Variants in CHL1 observed in about 807,000 individuals in gnomAD.
The protein encoded by CHL1 is neural cell adhesion molecule L1-like protein.
A neutral mutation model predicts 141.9 loss-of-function variants in CHL1; 96 were observed. The observed-to-expected ratio is 0.68, with a 90% CI of 0.57 to 0.80. The LOEUF is 0.80. Ranked by LOEUF, CHL1 falls within the 30% of genes least tolerant of loss-of-function variation. CHL1 has a pLI of 0.00. For synonymous variants in CHL1, 613 were observed against 502.2 expected, an observed-to-expected ratio of 1.22 and a Z score of -2.95; for missense variants, 1,820 against 1,457.2, an observed-to-expected ratio of 1.25 and a Z score of -4.05.
At chr3:277,301 G>T (rs913125802) in intron 2 of CHL1, among the ~76,000 whole-genome samples, 1 of 151,954 alleles carries the variant, frequency 6.6e-6, no homozygotes, top group Non-Finnish European at 1.5e-5. Context: ...CCACATCCTG[G>T]AACCATAAAG....
At chr3:254,542 G>A (rs1162176828) in intron 2 of CHL1, among the ~76,000 whole-genome samples, 1 of 152,160 alleles carries the variant, frequency 6.6e-6, no homozygotes, top group Non-Finnish European at 1.5e-5. Context: ...CAGGGCAGCA[G>A]ACATCAGACT....
intron 2 of CHL1, among the ~76,000 whole-genome samples, chr3:268,825 T>C (rs1388186216): frequency 6.6e-6 from 1 of 152,190 alleles, no homozygotes; most frequent in Non-Finnish European, 1.5e-5. Context: ...AGGAGTTAGG[T>C]TTAAGAAATA....
At chr3:216,475 G>C (rs1171739009) in intron 1 of CHL1, among the ~76,000 whole-genome samples, 1 of 152,116 alleles carries the variant, frequency 6.6e-6, no homozygotes, top group Non-Finnish European at 1.5e-5. Context: ...CGTTGTACCA[G>C]AATACTTTTA....
rs374680732 is a variant in CHL1 at position 288,680 on chromosome 3, A to G, written c.-94-31003A>G. ...GGTCAAGGATCTCAGCATTTTTCTG[A>G]CGAATGGCATGGGCGGGATGCGCTC... On this transcript the variant is annotated intron_variant, in intron 2 of 27. Transcript: ENST00000256509. Among the ~76,000 whole-genome samples the G allele has an allele frequency of 1.6e-3, 237 of 152,278 alleles. 1 individual carries two copies. The highest frequency in any genetic ancestry group is 5.5e-3 in the African/African-American group (227 of 41,548).
At chr3:260,961 T>G (rs973847912) in intron 2 of CHL1, among the ~76,000 whole-genome samples, 1 of 152,212 alleles carries the variant, frequency 6.6e-6, no homozygotes, top group Non-Finnish European at 1.5e-5. Flanking sequence ...AGCCATTCCG[T>G]CGGCCTTATT....
At chr3:380,700 G>A (rs972933351) in intron 16 of CHL1, among the ~76,000 whole-genome samples, 5 of 152,118 alleles carry the variant, frequency 3.3e-5, no homozygotes, top group African/African-American at 4.8e-5. Context: ...TTGCTATAAT[G>A]AAAATTCATT....
intron 16 of CHL1, among the ~76,000 whole-genome samples, chr3:380,233 G>C (rs913372830): frequency 6.6e-6 from 1 of 152,114 alleles, no homozygotes; most frequent in East Asian, 1.9e-4. Flanking sequence ...TTAATGTTTG[G>C]ACACAGTCAT....
intron 9 of CHL1, among the ~76,000 whole-genome samples, chr3:348,763 G>C (rs1163134095): frequency 6.6e-6 from 1 of 152,220 alleles, no homozygotes; most frequent in Non-Finnish European, 1.5e-5. Flanking sequence ...ACAAGGGCGA[G>C]AACGTGATCC....
At chr3:344,817 T>C in intron 9 of CHL1, 108 bp downstream of exon 9, 1 of 1,146,612 alleles carries the variant, frequency 8.7e-7, no homozygotes, top group Admixed American at 2.5e-5. Flanking sequence ...AATTATTTCC[T>C]TAAAAAAATT....
At chr3:363,881 C>T (rs1704544779) in intron 14 of CHL1, 1 of 152,306 alleles carries the variant, frequency 6.6e-6, no homozygotes, top group Non-Finnish European at 1.5e-5. Flanking sequence ...TTAATAGTTT[C>T]TTGGGCTTCA....
intron 21 of CHL1, 31 bp from the exon 22 acceptor site, chr3:390,924 A>G: frequency 1.9e-6 from 3 of 1,587,984 alleles, no homozygotes; most frequent in Non-Finnish European, 2.6e-6. Context: ...ACCACAATGG[A>G]TATACTAAAA....
intron 3 of CHL1, among the ~76,000 whole-genome samples, chr3:322,227 T>C (rs751784315): frequency 1.5e-4 from 23 of 152,144 alleles, no homozygotes; most frequent in Non-Finnish European, 2.6e-4. Flanking sequence ...ATCCAGTAGA[T>C]AAACACTGAA....
intron 2 of CHL1, among the ~76,000 whole-genome samples, chr3:292,330 A>G (rs187561806): frequency 6.6e-6 from 1 of 152,350 alleles, no homozygotes; most frequent in East Asian, 1.9e-4. Context: ...CTGTCTGCAC[A>G]TATTTAATCA....
chr3:373,178 C>A (rs1439525165), intron 15 of CHL1, among the ~76,000 whole-genome samples: 3 of 152,224 alleles, frequency 2.0e-5, no homozygotes, highest in Non-Finnish European at 4.4e-5. Context: ...TCTGGGCTGC[C>A]TGGATTCCTC....
At chr3:249,908 A>G (rs1023422316) in intron 2 of CHL1, among the ~76,000 whole-genome samples, 51 of 152,106 alleles carry the variant, frequency 3.4e-4, no homozygotes, top group African/African-American at 1.2e-3. Flanking sequence ...CTATTCTTCT[A>G]AAATCTGTAC....
At chr3:306,655 A>T (rs1357828913) in intron 2 of CHL1, among the ~76,000 whole-genome samples, 4 of 152,188 alleles carry the variant, frequency 2.6e-5, no homozygotes, top group African/African-American at 9.7e-5. Flanking sequence ...TTAACCAAAA[A>T]ATTTGTCTCA....
intron 2 of CHL1, among the ~76,000 whole-genome samples, chr3:312,341 TGAAA>T (rs1386700077): frequency 6.6e-6 from 1 of 152,202 alleles, no homozygotes; most frequent in East Asian, 1.9e-4. Flanking sequence ...TTATGAGACA[TGAAA>T]GAGTGTTTGA....
chr3:365,900 AAAGT>A, intron 14 of CHL1, 46 bp from the exon 15 acceptor site: 1 of 1,505,138 alleles, frequency 6.6e-7, no homozygotes, highest in Non-Finnish European at 9.1e-7. Flanking sequence ...ACTTAATAAC[AAAGT>A]AAGTTACGCT....
intron 2 of CHL1, among the ~76,000 whole-genome samples, chr3:273,631 C>T (rs923046253): frequency 1.8e-4 from 27 of 152,046 alleles, no homozygotes; most frequent in Non-Finnish European, 3.1e-4. Context: ...GTAAATGTCA[C>T]GAAATTATCA....
Sources: allele counts gnomAD v4.1 joint callset (sites outside exome capture counted in the v4.1 genomes callset), GRCh38; gene constraint gnomAD v4.1.1; transcripts MANE v1.5; gene names NCBI Gene and HGNC (gene_info 2026-07-23, HGNC 2026-07-21).